Variants in TAB2 observed in about 807,000 individuals in gnomAD.
The protein encoded by TAB2 is TGF-beta activated kinase 1 (MAP3K7) binding protein 2, also known as TGF-beta-activated kinase 1 and MAP3K7-binding protein 2.
Under a neutral mutation model 65.0 loss-of-function variants are expected in TAB2, and 3 were observed. That is an observed-to-expected ratio of 0.05 (90% confidence interval 0.02 to 0.12). The LOEUF (loss-of-function observed/expected upper bound fraction) is 0.12, where lower values mean the gene tolerates loss of function less well. Among genes scored for constraint, TAB2 ranks in the 10% least tolerant of loss-of-function variants. The probability of loss-of-function intolerance (pLI) is 1.00; values close to 1 mark genes in which losing one functional copy is unlikely to be tolerated. For synonymous variants in TAB2, 298 were observed against 285.1 expected, an observed-to-expected ratio of 1.05 and a Z score of -0.46; for missense variants, 623 against 840.3, an observed-to-expected ratio of 0.74 and a Z score of 3.20.
intron 6 of TAB2, among the ~76,000 whole-genome samples, chr6:149,403,369 CACACAT>C (rs1240658329): frequency 7.1e-5 from 9 of 127,172 alleles, no homozygotes; most frequent in African/African-American, 1.3e-4. Context: ...CACACACACA[CACACAT>C]ACACATACAC....
intron 1 of TAB2, among the ~76,000 whole-genome samples, chr6:149,348,873 A>G (rs924706521): frequency 1.4e-4 from 21 of 152,022 alleles, no homozygotes; most frequent in African/African-American, 5.1e-4. Context: ...AGGCTAAGGC[A>G]GGAGAATTGC....
At chr6:149,292,236 T>A (rs752368204) in intron 1 of TAB2, among the ~76,000 whole-genome samples, 2 of 152,184 alleles carry the variant, frequency 1.3e-5, no homozygotes, top group Non-Finnish European at 2.9e-5. Context: ...AGTACAATGC[T>A]CTGTAAAGAG....
At chr6:149,355,207 T>C (rs1250926872) in intron 1 of TAB2, among the ~76,000 whole-genome samples, 2 of 152,248 alleles carry the variant, frequency 1.3e-5, no homozygotes, top group African/African-American at 4.8e-5. Context: ...ATAATGTCTT[T>C]CTGTTTTTGC....
intron 1 of TAB2, chr6:149,245,455 C>A (rs1268929169): frequency 6.6e-6 from 1 of 151,882 alleles, no homozygotes; most frequent in Non-Finnish European, 1.5e-5. Flanking sequence ...TGTAAAATTA[C>A]CATGACATTT....
At chr6:149,318,247 C>T (rs1177149461) in intron 1 of TAB2, among the ~76,000 whole-genome samples, 2 of 140,174 alleles carry the variant, frequency 1.4e-5, no homozygotes, top group African/African-American at 5.1e-5. Context: ...AGCATCGGGC[C>T]GGGCCTGGGC....
chr6:149,297,870 A>T (rs1487783285), intron 1 of TAB2, among the ~76,000 whole-genome samples: 1 of 152,164 alleles, frequency 6.6e-6, no homozygotes, highest in African/African-American at 2.4e-5. Flanking sequence ...ATCACTTTTT[A>T]AAATAATTTA....
intron 1 of TAB2, among the ~76,000 whole-genome samples, chr6:149,275,234 G>GGGAA (rs1778439803): frequency 1.5e-5 from 1 of 65,390 alleles, no homozygotes; most frequent in Non-Finnish European, 2.6e-5. Context: ...GGGAGAGAGA[G>GGGAA]AGAAAGAAAG....
intron 1 of TAB2, among the ~76,000 whole-genome samples, chr6:149,328,174 G>A (rs372273812): frequency 1.3e-5 from 2 of 152,280 alleles, no homozygotes; most frequent in East Asian, 3.9e-4. Flanking sequence ...TCACATGATC[G>A]AAAGAACAGA....
At chr6:149,311,044 A>C (rs1239865941) in intron 1 of TAB2, among the ~76,000 whole-genome samples, 2 of 152,020 alleles carry the variant, frequency 1.3e-5, no homozygotes, top group African/African-American at 4.8e-5. Flanking sequence ...TCTCCACCTG[A>C]ATTGAGGGTA....
At chr6:149,334,213 C>G (rs539175142) in intron 1 of TAB2, among the ~76,000 whole-genome samples, 1 of 152,132 alleles carries the variant, frequency 6.6e-6, no homozygotes, top group Non-Finnish European at 1.5e-5. Flanking sequence ...ATTCTTCATC[C>G]TCAGGTCTCC....
intron 1 of TAB2, among the ~76,000 whole-genome samples, chr6:149,347,821 A>G (rs1190313630): frequency 1.3e-5 from 2 of 152,168 alleles, no homozygotes; most frequent in Non-Finnish European, 2.9e-5. Context: ...GCTAACTGGT[A>G]TATGATATGA....
At chr6:149,315,394 A>AC (rs1779231676), upstream of TAB2, among the ~76,000 whole-genome samples, 2 of 152,276 alleles carry the variant, frequency 1.3e-5, no homozygotes, top group Admixed American at 6.5e-5. Flanking sequence ...GTATGTGTGT[A>AC]TATGTATGTA....
At chr6:149,349,993 G>T (rs566680822) in intron 1 of TAB2, among the ~76,000 whole-genome samples, 1 of 152,024 alleles carries the variant, frequency 6.6e-6, no homozygotes, top group Admixed American at 6.5e-5. Context: ...GTGCAGTGGC[G>T]CAATCTCAGC....
At chr6:149,385,184 G>A (rs533278050) in intron 3 of TAB2, among the ~76,000 whole-genome samples, 6 of 152,100 alleles carry the variant, frequency 3.9e-5, no homozygotes, top group Middle Eastern at 3.4e-3. Flanking sequence ...ATCACAACAC[G>A]TTTCTTTTTA....
intron 6 of TAB2, chr6:149,400,271 A>C (rs1583160828): frequency 9.3e-7 from 1 of 1,072,498 alleles, no homozygotes; most frequent in Non-Finnish European, 1.3e-6. Flanking sequence ...ATGTGCACGC[A>C]CCCTCTCCCT....
chr6:149,290,208 T>C (rs966250074), intron 1 of TAB2, among the ~76,000 whole-genome samples: 5 of 152,110 alleles, frequency 3.3e-5, no homozygotes, highest in African/African-American at 1.2e-4. Context: ...GTTTTTCAGG[T>C]TAACTTTGGA....
chr6:149,386,043 A>ATTATATTCATTCCCT (rs1781797249), intron 3 of TAB2, among the ~76,000 whole-genome samples: 1 of 151,962 alleles, frequency 6.6e-6, no homozygotes, highest in Non-Finnish European at 1.5e-5. Flanking sequence ...TCCCCTTCCC[A>ATTATATTCATTCCCT]TTATATTCAT....
intron 6 of TAB2, among the ~76,000 whole-genome samples, chr6:149,405,836 C>A (rs1420607413): frequency 6.6e-6 from 1 of 151,812 alleles, no homozygotes; most frequent in African/African-American, 2.4e-5. Context: ...AACAGTGTGA[C>A]TGTAGTTAAC....
intron 1 of TAB2, among the ~76,000 whole-genome samples, chr6:149,265,049 A>G (rs975846376): frequency 1.3e-5 from 2 of 151,980 alleles, no homozygotes; most frequent in African/African-American, 4.8e-5. Flanking sequence ...TCATCTTTAG[A>G]ATTGTATCAT....
Sources: allele counts gnomAD v4.1 joint callset (sites outside exome capture counted in the v4.1 genomes callset), GRCh38; gene constraint gnomAD v4.1.1; transcripts MANE v1.5; gene names NCBI Gene and HGNC (gene_info 2026-07-23, HGNC 2026-07-21).